Variants in SEMA6D observed in about 807,000 individuals in gnomAD.
SEMA6D encodes semaphorin-6D.
SEMA6D carries 35 observed loss-of-function variants against 106.6 expected under a neutral mutation model. That is an observed-to-expected ratio of 0.33 (90% CI 0.25 to 0.44). The LOEUF (loss-of-function observed/expected upper bound fraction) is 0.44, where lower values mean the gene tolerates loss of function less well. Among genes scored for constraint, SEMA6D ranks in the 20% least tolerant of loss-of-function variants. The pLI is 1.00. For missense variants in SEMA6D, 1,185 were observed against 1,345.9 expected (o/e 0.88, Z 1.87); for synonymous variants, 499 against 487.7 (o/e 1.02, Z -0.31).
chr15:47,417,568 G>A (rs201375677), intron 2 of SEMA6D, among the ~76,000 whole-genome samples: 1 of 15,676 alleles, frequency 6.4e-5, no homozygotes, highest in South Asian at 2.3e-3. Context: ...CAATTACTGC[G>A]ATTAAAAATA....
At chr15:47,586,296 A>T (rs1398402391) in intron 3 of SEMA6D, among the ~76,000 whole-genome samples, 1 of 152,210 alleles carries the variant, frequency 6.6e-6, no homozygotes, top group Non-Finnish European at 1.5e-5. Context: ...AAGAAGTGAT[A>T]GGGGCCTATT....
intron 1 of SEMA6D, among the ~76,000 whole-genome samples, chr15:47,351,731 TC>T (rs752078973): frequency 2.0e-5 from 3 of 152,222 alleles, no homozygotes; most frequent in Non-Finnish European, 2.9e-5. Context: ...GTTTGAGTCT[TC>T]CTGGTGTTCT....
At chr15:47,465,193 C>CTGT (rs1275118696) in intron 2 of SEMA6D, among the ~76,000 whole-genome samples, 1 of 152,164 alleles carries the variant, frequency 6.6e-6, no homozygotes, top group East Asian at 1.9e-4. Context: ...TCAGTAGATG[C>CTGT]ATTTTGACCA....
chr15:47,696,118 A>G (rs2078694117), intron 4 of SEMA6D, among the ~76,000 whole-genome samples: 1 of 152,156 alleles, frequency 6.6e-6, no homozygotes, highest in African/African-American at 2.4e-5. Flanking sequence ...CCTTGACCTA[A>G]GTTGATGATG....
intron 4 of SEMA6D, among the ~76,000 whole-genome samples, chr15:47,701,480 A>G (rs560257016): frequency 6.6e-4 from 101 of 152,282 alleles, no homozygotes; most frequent in African/African-American, 2.4e-3. Context: ...AATGAATTCT[A>G]TTCTTGCAAA....
chr15:47,713,971 T>A (rs910626063), upstream of SEMA6D, among the ~76,000 whole-genome samples: 3 of 152,204 alleles, frequency 2.0e-5, no homozygotes, highest in Admixed American at 6.5e-5. Context: ...TAATATTTAT[T>A]CAGTGCTTGC....
At chr15:47,586,888 G>T (rs927825035) in intron 3 of SEMA6D, among the ~76,000 whole-genome samples, 3 of 122,832 alleles carry the variant, frequency 2.4e-5, no homozygotes, top group South Asian at 2.7e-4. Context: ...AATTTGACAG[G>T]TTTTTTTTTT....
At chr15:47,252,100 G>A (rs999531084) in intron 1 of SEMA6D, among the ~76,000 whole-genome samples, 4 of 145,422 alleles carry the variant, frequency 2.8e-5, no homozygotes, top group African/African-American at 1.0e-4. Flanking sequence ...TATTTTTTTA[G>A]TAGAGACGGG....
intron 1 of SEMA6D, among the ~76,000 whole-genome samples, chr15:47,734,057 T>C (rs988634062): frequency 2.6e-5 from 4 of 152,154 alleles, no homozygotes; most frequent in African/African-American, 9.7e-5. Context: ...TTGTTTGTGA[T>C]GGGGTGGGAA....
At chr15:47,321,132 A>AAT (rs1374472209) in intron 1 of SEMA6D, among the ~76,000 whole-genome samples, 3 of 152,148 alleles carry the variant, frequency 2.0e-5, no homozygotes, top group Admixed American at 6.5e-5. Flanking sequence ...ATTAATATGA[A>AAT]ATATATATAT....
chr15:47,396,699 C>G (rs1380681863), intron 1 of SEMA6D: 1 of 152,158 alleles, frequency 6.6e-6, no homozygotes, highest in African/African-American at 2.4e-5. Flanking sequence ...TCTGCAGCTC[C>G]CAGTCCACTG....
chr15:47,631,366 G>C (rs1264626743), intron 4 of SEMA6D, among the ~76,000 whole-genome samples: 4 of 151,698 alleles, frequency 2.6e-5, no homozygotes, highest in African/African-American at 9.7e-5. Context: ...GAATTTATGA[G>C]TATAAAGTTA....
intron 1 of SEMA6D, among the ~76,000 whole-genome samples, chr15:47,370,160 G>GAATAA (rs2039215734): frequency 6.6e-6 from 1 of 152,140 alleles, no homozygotes; most frequent in Non-Finnish European, 1.5e-5. Flanking sequence ...GGGATTTCAA[G>GAATAA]AATAACTTGA....
At chr15:47,401,022 C>T (rs1408866381) in intron 1 of SEMA6D, among the ~76,000 whole-genome samples, 2 of 152,158 alleles carry the variant, frequency 1.3e-5, no homozygotes, top group African/African-American at 4.8e-5. Flanking sequence ...TTTCTTTATA[C>T]CTTCGTTTTC....
At chr15:47,207,993 G>GCGCACACACACACACACACACACA (rs1424944556) in intron 1 of SEMA6D, among the ~76,000 whole-genome samples, 11 of 89,394 alleles carry the variant, frequency 1.2e-4, no homozygotes, top group African/African-American at 2.0e-4. Flanking sequence ...TGGCGCGCGC[G>GCGCACACACACACACACACACACA]CACACACACA....
chr15:47,227,562 C>CTG lies in SEMA6D; in HGVS notation c.-239+43145_-239+43146insGT, dbSNP rs1258719937. On this transcript the variant is annotated intron_variant, in intron 1 of 19. Coordinates refer to the SEMA6D transcript ENST00000558014. ...CCTCTTTCTCTCTCTCTGTCTCTCT[C>CTG]TCTCTCTCACACACACACACACACA... Among the ~76,000 whole-genome samples, 17 of 83,720 alleles carry CTG rather than the reference C, an allele frequency of 2.0e-4. No individual in the cohort carries two copies. In the East Asian group the frequency reaches 1.0e-2, roughly 49 times the overall value. The allele number at this position is 83,720 out of a possible 152,430, so 54.9% of individuals were successfully genotyped here. A position where few individuals can be genotyped will look rare whatever the true frequency, so the allele number is the denominator to read the frequency against.
chr15:47,569,332 C>T (rs892908081), intron 3 of SEMA6D, among the ~76,000 whole-genome samples: 2 of 152,162 alleles, frequency 1.3e-5, no homozygotes, highest in African/African-American at 4.8e-5. Flanking sequence ...CCTCTGTCCT[C>T]TAGAATCATG....
chr15:47,283,395 A>G (rs893728152), intron 1 of SEMA6D, among the ~76,000 whole-genome samples: 4 of 152,172 alleles, frequency 2.6e-5, no homozygotes, highest in African/African-American at 9.6e-5. Context: ...CTAGGCACAT[A>G]CTGATTAATT....
chr15:47,562,451 A>C (rs2046108856), intron 3 of SEMA6D, among the ~76,000 whole-genome samples: 2 of 152,078 alleles, frequency 1.3e-5, no homozygotes, highest in Non-Finnish European at 2.9e-5. Context: ...GGATTTATTA[A>C]AATTAATAAC....
Sources: gnomAD v4.1 joint callset for allele counts (sites outside exome capture counted in the v4.1 genomes callset) on GRCh38, gnomAD v4.1.1 for gene constraint, MANE v1.5 for transcripts, NCBI Gene and HGNC (gene_info 2026-07-23, HGNC 2026-07-21) for gene names.